SLC52A3: variants seen among roughly 807,000 people sequenced by gnomAD.
SLC52A3 encodes solute carrier family 52, riboflavin transporter, member 3.
SLC52A3 carries 20 observed loss-of-function variants against 29.5 expected under a neutral mutation model. The ratio of observed to expected loss-of-function variants is 0.68; its 90% CI spans 0.48 to 0.99. The LOEUF (loss-of-function observed/expected upper bound fraction) is 0.99. Among genes scored for constraint, SLC52A3 ranks in the 50% least tolerant of loss-of-function variants. The pLI, the probability that SLC52A3 is intolerant of heterozygous loss-of-function variation, is 0.00. For missense variants in SLC52A3, 548 were observed against 612.9 expected, an observed-to-expected ratio of 0.89 and a Z score of 1.12; for synonymous variants, 301 against 271.0, an observed-to-expected ratio of 1.11 and a Z score of -1.09.
At chr20:771,592 C>A (rs34948088), upstream of SLC52A3, among the ~76,000 whole-genome samples, 56 of 150,760 alleles carry the variant, frequency 3.7e-4, no homozygotes, top group Admixed American at 2.3e-3. Context: ...CCTGTCCCAA[C>A]CAGGATTTGA....
intron 1 of SLC52A3, among the ~76,000 whole-genome samples, chr20:774,028 G>A (rs1458014340): frequency 6.6e-6 from 1 of 152,174 alleles, no homozygotes; most frequent in Non-Finnish European, 1.5e-5. Context: ...TATCTGTTGA[G>A]CGCTGGTCTC....
chr20:772,402 A>G (rs1397320702), upstream of SLC52A3, among the ~76,000 whole-genome samples: 1 of 152,176 alleles, frequency 6.6e-6, no homozygotes, highest in Non-Finnish European at 1.5e-5. Context: ...TCCTTCCTCA[A>G]AAGTGAGGTG....
intron 3 of SLC52A3, 26 bp downstream of exon 3, chr20:763,472 T>C (rs1986555564): frequency 4.3e-6 from 7 of 1,613,658 alleles, no homozygotes; most frequent in Non-Finnish European, 5.9e-6. Context: ...CCCACTAGGA[T>C]TCCCTAGGAC....
At chr20:770,850 G>T (rs1986824710), upstream of SLC52A3, among the ~76,000 whole-genome samples, 1 of 152,182 alleles carries the variant, frequency 6.6e-6, no homozygotes, top group Admixed American at 6.5e-5. This position sits in a 1 kb window ranked among gnomAD's most constrained non-coding sequence, Gnocchi z 4.5. Flanking sequence ...AACAGGGAAA[G>T]AGTTAACAAT....
chr20:761,821 A>T lies in SLC52A3; in HGVS notation c.1077T>A (p.Ser359=). 6.2e-6 allele frequency: 10 copies of T among 1,614,170 alleles called. No homozygotes were observed. Among genetic ancestry groups the T allele is most frequent in the Non-Finnish European group, 8.5e-6 (10 of 1,180,020 alleles). The change falls in exon 4 of 5, where the codon TCT becomes TCA. Residue 359 remains serine, a synonymous_variant. Transcript: ENST00000645534. The part of the protein sequence containing the change: ...SLVSMFLPNR[S]LLFLGVLSVL... ...CGGAGAGGACCCCCAGGAACAGCAGAGACCTAGAGGAAAGTAGGGGAGGTG... is the reference window on the plus strand; with the variant it reads ...CGGAGAGGACCCCCAGGAACAGCAGTGACCTAGAGGAAAGTAGGGGAGGTG...
At chr20:777,010 T>G (rs942979878), upstream of SLC52A3, among the ~76,000 whole-genome samples, 1 of 151,612 alleles carries the variant, frequency 6.6e-6, no homozygotes, top group Non-Finnish European at 1.5e-5. Context: ...CCGAGGCGGG[T>G]GGATTACCTG....
upstream of SLC52A3, among the ~76,000 whole-genome samples, chr20:777,965 C>T (rs147155375): frequency 7.6e-4 from 115 of 151,674 alleles, 2 homozygotes; most frequent in East Asian, 0.021. Context: ...AGTAAAGGTG[C>T]CTGTATCAGG....
At chr20:769,668 G>A (rs111239592), upstream of SLC52A3, among the ~76,000 whole-genome samples, 3 of 152,280 alleles carry the variant, frequency 2.0e-5, no homozygotes, top group Admixed American at 1.3e-4. Context: ...AGGATGAGGC[G>A]GGCGGATCCC....
chr20:762,197 G>A (rs949503269), intron 3 of SLC52A3, among the ~76,000 whole-genome samples: 2 of 152,170 alleles, frequency 1.3e-5, no homozygotes, highest in Admixed American at 1.3e-4. Flanking sequence ...GCCGCTGTGG[G>A]CCCACCTGGT....
At position 763,810 on chromosome 20, in the gene SLC52A3, T is replaced by G. The variant is rs752797364; in HGVS notation, c.761A>C (p.Asp254Ala). The change falls in exon 3 of 5, where the codon GAC becomes GCC. Residue 254 changes from aspartate to alanine, a missense_variant. Around this residue, in one of 2 missense-constraint regions of SLC52A3, gnomAD observed 375 missense variants for 471.1 expected, o/e 0.80. Coordinates refer to ENST00000645534, the MANE Select transcript of SLC52A3 (RefSeq NM_033409.4). Reference sequence around the variant, plus strand: ...GAGGGTGACCTGGTCATTGAGGAGGTCTTCCACGGAAGCCTCCCAGCACCT... The same window carrying G: ...GAGGGTGACCTGGTCATTGAGGAGGGCTTCCACGGAAGCCTCCCAGCACCT... ...QPRCWEASVE[D>A]LLNDQVTLHS... 4 of 1,613,764 alleles carry G rather than the reference T, an allele frequency of 2.5e-6. No individual in the cohort carries two copies. Among genetic ancestry groups the G allele is most frequent in the South Asian group, 1.1e-5 (1 of 91,066 alleles).
rs1439187603 is a variant in SLC52A3, at chr20:763,525, G to A, written c.1046C>T (p.Ser349Leu). ...TLSIVANPLA[S>L]LVSMFLPNRS... ...GTTAGGCAGGAACATGGAGACCAACGAGGCAAGAGGGTTGGCCACAATGCT... is the reference window on the plus strand; with the variant it reads ...GTTAGGCAGGAACATGGAGACCAACAAGGCAAGAGGGTTGGCCACAATGCT... The change falls in exon 3 of 5, where the codon TCG (serine) becomes TTG (leucine). Residue 349 changes from serine (S) to leucine (L), a missense_variant. Ser to Leu is a moderately radical substitution (Grantham distance 145, BLOSUM62 -2). Around this residue, in one of 2 missense-constraint regions of SLC52A3, gnomAD observed 375 missense variants for 471.1 expected, o/e 0.80. Coordinates refer to ENST00000645534, the MANE Select transcript of SLC52A3 (RefSeq NM_033409.4). 5 of 1,613,932 alleles carry A rather than the reference G, an allele frequency of 3.1e-6. No individual in the cohort carries two copies. Among genetic ancestry groups the A allele is most frequent in the African/African-American group, 1.3e-5 (1 of 74,922 alleles).
At chr20:766,576 T>A (rs6085770) in intron 1 of SLC52A3, among the ~76,000 whole-genome samples, 1 of 151,862 alleles carries the variant, frequency 6.6e-6, no homozygotes, top group Admixed American at 6.6e-5. Flanking sequence ...GAAGCTCCCC[T>A]ACTGAGCACC....
At chr20:764,401 G>C (rs906365068) in intron 2 of SLC52A3, among the ~76,000 whole-genome samples, 1 of 146,272 alleles carries the variant, frequency 6.8e-6, no homozygotes, top group Non-Finnish European at 1.5e-5. Flanking sequence ...GTTCAGAGGA[G>C]GAGCTAGCTG....
Position 765,293 on chromosome 20 carries a change from G to C in SLC52A3, c.482C>G (p.Ser161Cys). 1 of 1,614,156 alleles carries C rather than the reference G, an allele frequency of 6.2e-7. No homozygotes were observed. The highest frequency in any genetic ancestry group is 8.5e-7 in the Non-Finnish European group (1 of 1,180,012). ...LPALVALAQG[S>C]GLTTCVNVTE... ...GACATTGACGCAGGTAGTGAGACCG[G>C]AGCCCTGGGCAAGAGCCACCAGGGC... Residue 161 changes from serine to cysteine, a missense_variant, in exon 2 of 5, where the codon TCC (serine) becomes TGC (cysteine). By Grantham distance (112) the Ser-to-Cys change is moderately radical (BLOSUM62 -1). This residue lies in a region of SLC52A3 where 375 missense variants were observed against 471.1 expected (regional missense o/e 0.80). Transcript: ENST00000645534. The surrounding 1 kb of genome is among the most constrained non-coding windows in gnomAD (Gnocchi z 6.6).
rs201545356 is a variant in SLC52A3 at position 765,745 on chromosome 20, G to A, written c.30C>T (p.Cys10=). 9 of 1,610,572 alleles carry A rather than the reference G, an allele frequency of 5.6e-6. No homozygotes were observed. Among genetic ancestry groups the A allele is most frequent in the Admixed American group, 1.7e-5 (1 of 59,758 alleles). ...TCACCCAGGAGCCCATTCCGAAGAC[G>A]CAGACCAGCAGGTGCATCAGGAAGG... MAFLMHLLV[C]VFGMGSWVTI... The change falls in exon 2 of 5, where the codon TGC becomes TGT. Residue 10 remains cysteine (C), a synonymous_variant. Coordinates refer to ENST00000645534, the MANE Select transcript of SLC52A3 (RefSeq NM_033409.4). The surrounding 1 kb of genome is among the most constrained non-coding windows in gnomAD (Gnocchi z 6.6).
At chr20:776,833 G>A (rs1987047926), upstream of SLC52A3, among the ~76,000 whole-genome samples, 1 of 144,838 alleles carries the variant, frequency 6.9e-6, no homozygotes, top group South Asian at 2.2e-4. Context: ...TTGAAGCTGT[G>A]CTCCTACAGG....
chr20:774,973 C>A (rs112906596), intron 1 of SLC52A3, among the ~76,000 whole-genome samples: 19 of 152,386 alleles, frequency 1.2e-4, no homozygotes, highest in African/African-American at 4.6e-4. Context: ...AATGCCCAGC[C>A]TTTCTGGGCT....
In SLC52A3 at chr20:774,377, G is replaced by A. The variant is rs376430668; in HGVS notation, c.-238+1578C>T. 7.2e-5 allele frequency among the ~76,000 whole-genome samples: 11 copies of A among 152,300 alleles called. No individual in the cohort carries two copies. The East Asian group carries it at 1.5e-3, about 21-fold the overall frequency. ...GGAGAACTTAGTGAGGCCTGTAGGC[G>A]TCTACTTAGGGCCTGGCCTCACCCT... is the stretch of plus-strand genomic sequence containing the variant. On this transcript the variant is annotated intron_variant, in intron 1 of 5. Transcript: ENST00000217254.
Position 774,117 on chromosome 20 carries a change from G to A in SLC52A3, c.-238+1838C>T, listed in dbSNP as rs570333732. On this transcript the variant is annotated intron_variant, in intron 1 of 5. Coordinates refer to the SLC52A3 transcript ENST00000217254. Reference sequence around the variant, plus strand: ...CCCAGGTGACCATCTGGCTTGCCACGGGCTGGGCCACCTGAGCTCCTGGCA... The same window carrying A: ...CCCAGGTGACCATCTGGCTTGCCACAGGCTGGGCCACCTGAGCTCCTGGCA... Among the ~76,000 whole-genome samples, 16 of 152,358 alleles carry A rather than the reference G, an allele frequency of 1.1e-4. No homozygotes were observed. The South Asian group carries it at 2.1e-3, about 20-fold the overall frequency.
Sources: allele counts gnomAD v4.1 joint callset (sites outside exome capture counted in the v4.1 genomes callset), GRCh38; gene constraint gnomAD v4.1.1; regional missense constraint gnomAD v4.1.1; non-coding constraint Gnocchi (gnomAD v3.1); transcripts MANE v1.5; gene names NCBI Gene and HGNC (gene_info 2026-07-23, HGNC 2026-07-21).